The following SLC16A10 variants were observed in gnomAD, a reference collection of about 807,000 sequenced individuals.
The protein encoded by SLC16A10 is solute carrier family 16 member 10.
SLC16A10 carries 27 observed loss-of-function variants against 40.0 expected under a neutral mutation model. That is an observed-to-expected ratio of 0.67 (90% CI 0.50 to 0.93). SLC16A10 has a LOEUF of 0.93. SLC16A10 is among the 40% of genes least tolerant of loss of function. The pLI, the probability that SLC16A10 is intolerant of heterozygous loss-of-function variation, is 0.00. For missense variants in SLC16A10, 529 were observed against 658.2 expected (o/e 0.80, Z 2.15); for synonymous variants, 213 against 249.8 (o/e 0.85, Z 1.39).
intron 1 of SLC16A10, among the ~76,000 whole-genome samples, chr6:111,090,844 C>G (rs1317001825): frequency 6.6e-6 from 1 of 152,180 alleles, no homozygotes; most frequent in Non-Finnish European, 1.5e-5. Context: ...AAGTTTTGGT[C>G]TATTTTCTAT....
chr6:111,120,428 A>G (rs1444626741), intron 1 of SLC16A10, among the ~76,000 whole-genome samples: 1 of 152,242 alleles, frequency 6.6e-6, no homozygotes, highest in Non-Finnish European at 1.5e-5. Flanking sequence ...AAATGGAAGT[A>G]AAGTGAAATG....
chr6:111,168,562 C>T (rs1772521983), intron 1 of SLC16A10, among the ~76,000 whole-genome samples: 1 of 152,134 alleles, frequency 6.6e-6, no homozygotes, highest in Non-Finnish European at 1.5e-5. Flanking sequence ...GGTCGTAAGA[C>T]CTTGGATTGT....
At chr6:111,169,659 T>C (rs1366272328) in intron 1 of SLC16A10, among the ~76,000 whole-genome samples, 2 of 152,226 alleles carry the variant, frequency 1.3e-5, no homozygotes, top group African/African-American at 4.8e-5. Flanking sequence ...AAAGTGACCA[T>C]AAGCCTTTCT....
intron 3 of SLC16A10, among the ~76,000 whole-genome samples, chr6:111,186,838 T>C (rs1263552454): frequency 6.6e-6 from 1 of 152,146 alleles, no homozygotes; most frequent in Non-Finnish European, 1.5e-5. Context: ...TTGGGCAGCT[T>C]ACTTGTAATT....
chr6:111,107,092 A>G (rs1314448471), intron 1 of SLC16A10, among the ~76,000 whole-genome samples: 1 of 152,162 alleles, frequency 6.6e-6, no homozygotes, highest in Non-Finnish European at 1.5e-5. Context: ...GTCTGTATTT[A>G]TTAGATGCTG....
chr6:111,132,015 G>C (rs1771791471), intron 1 of SLC16A10, among the ~76,000 whole-genome samples: 1 of 152,172 alleles, frequency 6.6e-6, no homozygotes, highest in African/African-American at 2.4e-5. Context: ...TCTCCAAAGG[G>C]ATCTAAGGAA....
chr6:111,228,347 GT>G lies in SLC16A10; in HGVS notation c.*6118del, dbSNP rs1213191062. 1 of 152,182 alleles carries G rather than the reference GT, an allele frequency of 6.6e-6. No homozygotes were observed. Among genetic ancestry groups the G allele is most frequent in the Admixed American group, 6.5e-5 (1 of 15,280 alleles). The allele number at this position is 152,182 out of a possible 1,614,324, so 9.4% of individuals were successfully genotyped here. On this transcript the variant is annotated 3_prime_UTR_variant, in exon 6 of 6. Transcript: ENST00000368851. ...GACAATGAATTTTTGACTCACTGGA[GT>G]TTTTTAAAATGCTGTTCTTGAGTGT...
chr6:111,187,696 C>T (rs563496717), intron 3 of SLC16A10, among the ~76,000 whole-genome samples: 2 of 152,212 alleles, frequency 1.3e-5, no homozygotes, highest in African/African-American at 2.4e-5. Flanking sequence ...AAATTAGTTT[C>T]TGTCCTAACC....
At position 111,177,199 on chromosome 6, in the gene SLC16A10, C is replaced by A; in HGVS notation, c.489-13C>A. The A allele has an allele frequency of 7.0e-7, 1 of 1,419,674 alleles. No homozygotes were observed. The highest frequency in any genetic ancestry group is 2.0e-5 in the South Asian group (1 of 50,316). 87.9% of individuals were successfully genotyped at this position (1,419,674 alleles called of 1,614,324 possible). On this transcript the variant is annotated splice_polypyrimidine_tract_variant and intron_variant, in intron 2 of 5. Coordinates refer to ENST00000368851, the MANE Select transcript of SLC16A10 (RefSeq NM_018593.5). Reference sequence around the variant, plus strand: ...ATTGAAAGCTGCTTTCCATCTTTTTCATCTTTATACAGTTCCATCGAGCCT... The same window carrying A: ...ATTGAAAGCTGCTTTCCATCTTTTTAATCTTTATACAGTTCCATCGAGCCT...
At chr6:111,196,869 G>A (rs1773087752) in intron 3 of SLC16A10, among the ~76,000 whole-genome samples, 1 of 152,122 alleles carries the variant, frequency 6.6e-6, no homozygotes, top group African/African-American at 2.4e-5. Flanking sequence ...TTTTGTATAG[G>A]GGACTTGATC....
intron 3 of SLC16A10, among the ~76,000 whole-genome samples, chr6:111,189,564 C>T (rs1150083): frequency 0.49 from 74,644 of 151,954 alleles, 19,211 homozygotes; most frequent in East Asian, 0.67. Context: ...AAGACTTACC[C>T]GAGACCAGGT....
At chr6:111,179,543 G>A (rs1772751573) in intron 3 of SLC16A10, among the ~76,000 whole-genome samples, 1 of 152,120 alleles carries the variant, frequency 6.6e-6, no homozygotes, top group South Asian at 2.1e-4. Context: ...CTTATTAGGG[G>A]AAAAATGAGT....
intron 3 of SLC16A10, among the ~76,000 whole-genome samples, chr6:111,193,854 G>C (rs1773036173): frequency 6.6e-6 from 1 of 152,130 alleles, no homozygotes; most frequent in South Asian, 2.1e-4. Context: ...ATTTTTGTTA[G>C]GCCCTTATAT....
intron 1 of SLC16A10, among the ~76,000 whole-genome samples, chr6:111,107,669 T>C (rs1771307929): frequency 6.6e-6 from 1 of 152,202 alleles, no homozygotes; most frequent in East Asian, 1.9e-4. Context: ...AACATGGCTT[T>C]ACCAGTATGA....
chr6:111,103,349 C>T (rs1583304081), intron 1 of SLC16A10, among the ~76,000 whole-genome samples: 1 of 152,150 alleles, frequency 6.6e-6, no homozygotes, highest in African/African-American at 2.4e-5. Flanking sequence ...TCCCGAGTAG[C>T]TGGGATTACA....
chr6:111,097,712 G>A (rs1044510256), intron 1 of SLC16A10, among the ~76,000 whole-genome samples: 2 of 152,158 alleles, frequency 1.3e-5, no homozygotes, highest in South Asian at 2.1e-4. Flanking sequence ...AAAAAAATTA[G>A]TAAATGTACC....
chr6:111,095,910 A>G (rs1380607396), intron 1 of SLC16A10, among the ~76,000 whole-genome samples: 2 of 152,220 alleles, frequency 1.3e-5, no homozygotes, highest in East Asian at 1.9e-4. Flanking sequence ...TCATAACACT[A>G]TGAAAATGGA....
intron 1 of SLC16A10, among the ~76,000 whole-genome samples, chr6:111,125,250 G>A (rs771278632): frequency 6.6e-6 from 1 of 152,120 alleles, no homozygotes; most frequent in East Asian, 1.9e-4. Context: ...ATCATTAAAA[G>A]CAGCATTATC....
intron 4 of SLC16A10, among the ~76,000 whole-genome samples, chr6:111,217,593 G>A (rs1397875544): frequency 1.3e-5 from 2 of 152,034 alleles, no homozygotes; most frequent in Non-Finnish European, 2.9e-5. Context: ...GGGATTACAG[G>A]CGCCGGCCAC....
Sources: gnomAD v4.1 joint callset for allele counts (sites outside exome capture counted in the v4.1 genomes callset) on GRCh38, gnomAD v4.1.1 for gene constraint, MANE v1.5 for transcripts, NCBI Gene and HGNC (gene_info 2026-07-23, HGNC 2026-07-21) for gene names.